UBE2E3: variants seen among roughly 807,000 people sequenced by gnomAD.
UBE2E3 encodes the protein ubiquitin-conjugating enzyme E2 E3.
UBE2E3 carries 5 observed loss-of-function variants against 23.6 expected under a neutral mutation model. That is an observed-to-expected ratio of 0.21 (90% CI 0.11 to 0.44). The LOEUF is 0.44. Among genes scored for constraint, UBE2E3 ranks in the 20% least tolerant of loss-of-function variants. The pLI is 0.99. For missense variants in UBE2E3, 81 were observed against 249.8 expected (o/e 0.32, Z 4.55); for synonymous variants, 78 against 87.5 (o/e 0.89, Z 0.60).
intron 3 of UBE2E3, chr2:180,990,057 A>G: frequency 3.1e-6 from 4 of 1,285,628 alleles, no homozygotes; most frequent in Middle Eastern, 5.6e-4. Context: ...ACAGGTAAGT[A>G]TATTTGGGCA....
chr2:181,037,172 G>A (rs1442677793), intron 3 of UBE2E3, among the ~76,000 whole-genome samples: 1 of 152,162 alleles, frequency 6.6e-6, no homozygotes, highest in African/African-American at 2.4e-5. Context: ...GGTGATGCTG[G>A]TGGAAACAAA....
chr2:180,981,505 T>G (rs1209758376), intron 1 of UBE2E3: 1 of 152,258 alleles, frequency 6.6e-6, no homozygotes, highest in Non-Finnish European at 1.5e-5. Flanking sequence ...TTTCCAAGTG[T>G]TGTGTTTAAA....
At chr2:181,019,844 T>TG (rs1237644465) in intron 3 of UBE2E3, among the ~76,000 whole-genome samples, 3 of 152,170 alleles carry the variant, frequency 2.0e-5, no homozygotes, top group African/African-American at 7.2e-5. Flanking sequence ...TTTCTTTTTT[T>TG]TGTGGTGAGA....
At chr2:181,006,350 A>C (rs570322074) in intron 3 of UBE2E3, among the ~76,000 whole-genome samples, 1 of 148,640 alleles carries the variant, frequency 6.7e-6, no homozygotes, top group South Asian at 2.2e-4. Flanking sequence ...TGTTCAATGT[A>C]TATGCATTCT....
At position 181,020,097 on chromosome 2, in the gene UBE2E3, A is replaced by G. The variant is rs564379669; in HGVS notation, c.245+36004A>G. On this transcript the variant is annotated intron_variant, in intron 3 of 5. Transcript: ENST00000410062. ...TCTGTTTTTGTGGGAAGGTTGATGT[A>G]TTAGTTTCCTGGGGCTGCCATAACC... Among the ~76,000 whole-genome samples the G allele has an allele frequency of 6.6e-5, 10 of 152,262 alleles. No individual in the cohort carries two copies. The East Asian group carries it at 1.9e-3, about 29-fold the overall frequency.
At chr2:181,060,484 A>AAG (rs1687114569) in intron 4 of UBE2E3, among the ~76,000 whole-genome samples, 181 bp from the exon 5 acceptor site, 1 of 151,750 alleles carries the variant, frequency 6.6e-6, no homozygotes, top group African/African-American at 2.4e-5. Flanking sequence ...CAGGGTAAAA[A>AAG]CAAAAAATTT....
At chr2:181,000,098 G>A (rs977198603) in intron 3 of UBE2E3, among the ~76,000 whole-genome samples, 4 of 152,036 alleles carry the variant, frequency 2.6e-5, no homozygotes, top group African/African-American at 9.7e-5. Flanking sequence ...TTTGTTCTTG[G>A]CATTTAACCC....
chr2:180,982,317 A>G (rs1208646171), intron 2 of UBE2E3, 81 bp downstream of exon 2: 9 of 1,251,410 alleles, frequency 7.2e-6, no homozygotes, highest in South Asian at 7.1e-5. Flanking sequence ...TTTTACCTCA[A>G]TAGCAGTAGT....
intron 3 of UBE2E3, among the ~76,000 whole-genome samples, chr2:180,999,822 C>T (rs1684940218): frequency 6.6e-6 from 1 of 152,066 alleles, no homozygotes; most frequent in African/African-American, 2.4e-5. Flanking sequence ...GTGAATAATA[C>T]CTGTTTCATC....
intron 3 of UBE2E3, among the ~76,000 whole-genome samples, chr2:181,005,691 A>G (rs1017993729): frequency 1.6e-4 from 24 of 152,128 alleles, no homozygotes; most frequent in African/African-American, 5.3e-4. Context: ...TATCTATTGA[A>G]TAATTTGTTA....
At chr2:180,985,093 C>T (rs905897894) in intron 3 of UBE2E3, among the ~76,000 whole-genome samples, 12 of 152,040 alleles carry the variant, frequency 7.9e-5, no homozygotes, top group African/African-American at 2.9e-4. Flanking sequence ...GGGTATAATC[C>T]AGTTGCTTCT....
Position 181,002,866 on chromosome 2 carries a change from G to A in UBE2E3, c.245+18773G>A, listed in dbSNP as rs143024680. On this transcript the variant is annotated intron_variant, in intron 3 of 5. Transcript: ENST00000410062. Reference sequence around the variant, plus strand: ...TATTGTGCATAGATTTCAAGAACTGGGGCACACCCCAGTTTGTGAAAAGAT... The same window carrying A: ...TATTGTGCATAGATTTCAAGAACTGAGGCACACCCCAGTTTGTGAAAAGAT... Among the ~76,000 whole-genome samples, 354 of 152,150 alleles carry A rather than the reference G, an allele frequency of 2.3e-3. 1 individual carries two copies. The highest frequency in any genetic ancestry group is 8.3e-3 in the African/African-American group (343 of 41,498).
At chr2:181,058,911 T>C (rs1386800685) in intron 4 of UBE2E3, among the ~76,000 whole-genome samples, 1 of 151,774 alleles carries the variant, frequency 6.6e-6, no homozygotes, top group African/African-American at 2.4e-5. Context: ...CCCATCAGCA[T>C]GTAAGATCTT....
intron 3 of UBE2E3, among the ~76,000 whole-genome samples, chr2:181,040,074 A>G (rs1011622909): frequency 6.6e-6 from 1 of 152,202 alleles, no homozygotes; most frequent in Non-Finnish European, 1.5e-5. Flanking sequence ...GATTTTTAAT[A>G]TCTGTAGCTA....
At chr2:181,027,665 CTT>C (rs1458780705) in intron 3 of UBE2E3, among the ~76,000 whole-genome samples, 1 of 151,744 alleles carries the variant, frequency 6.6e-6, no homozygotes, top group African/African-American at 2.4e-5. Context: ...CATGTTGTGT[CTT>C]TTAAATATCT....
chr2:181,062,168 GAAGA>G (rs1185260636), intron 5 of UBE2E3, among the ~76,000 whole-genome samples: 1 of 150,844 alleles, frequency 6.6e-6, no homozygotes, highest in Non-Finnish European at 1.5e-5. Flanking sequence ...AGTCAGGAAG[GAAGA>G]TAGTTTTTTT....
intron 3 of UBE2E3, among the ~76,000 whole-genome samples, chr2:181,030,610 G>T (rs1206541422): frequency 2.0e-5 from 3 of 150,922 alleles, no homozygotes; most frequent in African/African-American, 7.3e-5. Flanking sequence ...TTTTATTTTT[G>T]ATTCTCAGAA....
rs543600894 is a variant in UBE2E3 at position 181,015,808 on chromosome 2, T to C, written c.245+31715T>C. On this transcript the variant is annotated intron_variant, in intron 3 of 5. Transcript: ENST00000410062. ...TATAATCACTAAAATGATTACATGG[T>C]CCTTGTTCCATATACTAGAGATGAT... Among the ~76,000 whole-genome samples, 23 of 152,264 alleles carry C rather than the reference T, an allele frequency of 1.5e-4. No homozygotes were observed. The South Asian group carries it at 3.5e-3, about 23-fold the overall frequency.
intron 3 of UBE2E3, among the ~76,000 whole-genome samples, chr2:181,011,501 G>A (rs976763754): frequency 2.0e-5 from 3 of 152,054 alleles, no homozygotes; most frequent in African/African-American, 7.2e-5. Flanking sequence ...CCTGAGTTTT[G>A]GAGGGGACAT....
Sources: gnomAD v4.1 joint callset for allele counts (sites outside exome capture counted in the v4.1 genomes callset) on GRCh38, gnomAD v4.1.1 for gene constraint, MANE v1.5 for transcripts, NCBI Gene and HGNC (gene_info 2026-07-23, HGNC 2026-07-21) for gene names.